The following TCF25 variants were observed in gnomAD, a reference collection of about 807,000 sequenced individuals.
TCF25 encodes the protein TCF25 ribosome quality control complex subunit.
Under a neutral mutation model 83.1 loss-of-function variants are expected in TCF25, and 41 were observed. The ratio of observed to expected loss-of-function variants is 0.49; its 90% CI spans 0.38 to 0.64. The LOEUF (loss-of-function observed/expected upper bound fraction) is 0.64. TCF25 is among the 30% of genes least tolerant of loss of function. The pLI is 0.00. For synonymous variants in TCF25, 458 were observed against 365.0 expected (o/e 1.25, Z -2.90); for missense variants, 979 against 914.5 (o/e 1.07, Z -0.91).
At chr16:89,892,326 G>GTGCACTGGCCC in intron 6 of TCF25, 51 bp downstream of exon 6, 1 of 1,565,388 alleles carries the variant, frequency 6.4e-7, no homozygotes, top group Non-Finnish European at 8.7e-7. Flanking sequence ...GGCGTTGTCT[G>GTGCACTGGCCC]TGCACTGGCC....
chr16:89,898,639 C>G lies in TCF25; in HGVS notation c.1105C>G (p.Leu369Val). 6.2e-7 allele frequency: 1 copy of G among 1,612,912 alleles called. No homozygotes were observed. Among genetic ancestry groups the G allele is most frequent in the Non-Finnish European group, 8.5e-7 (1 of 1,180,014 alleles). Residue 369 changes from leucine (L) to valine (V), a missense_variant, in exon 10 of 18, where the codon CTC becomes GTC. Leu to Val is a conservative substitution (Grantham distance 32). Coordinates refer to ENST00000263346, the MANE Select transcript of TCF25 (RefSeq NM_014972.3). The stretch of plus-strand genomic sequence containing the variant: ...GCGCACGGCGCTGGAGTACTGCAAG[C>G]TCATCCTGAGGTGAGTGTCTGCTCA... The part of the protein sequence containing the change: ...CPRTALEYCK[L>V]ILSLEPDEDP...
Position 89,885,968 on chromosome 16 carries a change from T to C in TCF25, c.548+2T>C, listed in dbSNP as rs2042974398. ...GCACGTTCTCTACGTGGAGCACAGG[T>C]GTGGCCCCCGCCCTTCTCTGCGGCT... On this transcript the variant is annotated splice_donor_variant, in intron 4 of 17. Coordinates refer to ENST00000263346, the MANE Select transcript of TCF25 (RefSeq NM_014972.3). LOFTEE classifies it high-confidence loss of function. 2.1e-6 allele frequency: 3 copies of C among 1,447,550 alleles called. No homozygotes were observed. Among genetic ancestry groups the C allele is most frequent in the Non-Finnish European group, 2.7e-6 (3 of 1,096,252 alleles). The allele number at this position is 1,447,550 out of a possible 1,614,324, so 89.7% of individuals were successfully genotyped here. A position where few individuals can be genotyped will look rare whatever the true frequency, so the allele number is the denominator to read the frequency against.
chr16:89,896,148 G>C, intron 9 of TCF25, 65 bp downstream of exon 9: 1 of 1,508,562 alleles, frequency 6.6e-7, no homozygotes, highest in Middle Eastern at 1.7e-4. Context: ...GAGGCTGGGG[G>C]AGGTGCAGTG....
chr16:89,886,648 G>C (rs561751629), intron 4 of TCF25, among the ~76,000 whole-genome samples: 1 of 151,978 alleles, frequency 6.6e-6, no homozygotes, highest in Non-Finnish European at 1.5e-5. Context: ...TGTAATCCCA[G>C]CTACTCAGGG....
rs76385719 is a variant in TCF25 at position 89,910,552 on chromosome 16, G to A, written c.1800-39G>A. The A allele has an allele frequency of 6.9e-4, 1,106 of 1,608,800 alleles. 9 individuals are homozygous for A. In the African/African-American group the frequency reaches 0.013, roughly 19 times the overall value. On this transcript the variant is annotated intron_variant, in intron 16 of 17. Coordinates refer to ENST00000263346, the MANE Select transcript of TCF25 (RefSeq NM_014972.3). ...GCCGGGTTGGGTCCCACGAGTCTCA[G>A]TTCAGTGTCGTTTCTGACTTTTCTT...
intron 9 of TCF25, among the ~76,000 whole-genome samples, chr16:89,897,643 A>G (rs1302153869): frequency 6.6e-6 from 1 of 152,242 alleles, no homozygotes; most frequent in Non-Finnish European, 1.5e-5. Flanking sequence ...GACGCGAAAG[A>G]GACAGTGGGC....
At chr16:89,903,489 G>A (rs180835707) in intron 12 of TCF25, among the ~76,000 whole-genome samples, 19 of 152,130 alleles carry the variant, frequency 1.2e-4, no homozygotes, top group South Asian at 6.3e-4. Flanking sequence ...TGGTCAACAC[G>A]GTGAAACCCT....
At chr16:89,889,292 C>A (rs376304471) in intron 5 of TCF25, 3 of 366,800 alleles carry the variant, frequency 8.2e-6, no homozygotes, top group Non-Finnish European at 1.6e-5. Flanking sequence ...ATCCTCCCAT[C>A]TCAGTCTCCC....
intron 9 of TCF25, among the ~76,000 whole-genome samples, chr16:89,898,063 A>G (rs1432195556): frequency 6.6e-6 from 1 of 151,986 alleles, no homozygotes; most frequent in Non-Finnish European, 1.5e-5. Context: ...GAGCCGAGAT[A>G]GCGCCACTGC....
At position 89,895,096 on chromosome 16, in the gene TCF25, G is replaced by C; in HGVS notation, c.887G>C (p.Cys296Ser). 2 of 1,613,198 alleles carry C rather than the reference G, an allele frequency of 1.2e-6. No homozygotes were observed. The highest frequency in any genetic ancestry group is 1.7e-6 in the Non-Finnish European group (2 of 1,179,760). Residue 296 changes from cysteine (C) to serine (S), a missense_variant, in exon 8 of 18, where the codon TGC (cysteine) becomes TCC (serine). Cys to Ser is a moderately radical substitution (Grantham distance 112, BLOSUM62 -1). Transcript: ENST00000263346. Reference sequence around the variant, plus strand: ...TCACTCCTGCAGCTCAGCGATGCCTGCCGCTTTCAAGAGGATCAGGAGATG... The same window carrying C: ...TCACTCCTGCAGCTCAGCGATGCCTCCCGCTTTCAAGAGGATCAGGAGATG... Reference protein sequence around the residue: ...VDSLLQLSDACRFQEDQEMAR... With the variant: ...VDSLLQLSDASRFQEDQEMAR...
chr16:89,882,021 G>A (rs1056725444), intron 1 of TCF25, among the ~76,000 whole-genome samples: 2 of 152,138 alleles, frequency 1.3e-5, no homozygotes, highest in Admixed American at 6.5e-5. Flanking sequence ...CCAAAGTGCT[G>A]GGATTACAGG....
chr16:89,893,329 A>G (rs1191321028), intron 6 of TCF25, among the ~76,000 whole-genome samples: 2 of 152,088 alleles, frequency 1.3e-5, no homozygotes, highest in Non-Finnish European at 2.9e-5. Context: ...CCGCACTCCA[A>G]CCCTGTCCTT....
chr16:89,895,351 C>T (rs1220635262), intron 8 of TCF25, among the ~76,000 whole-genome samples: 2 of 152,120 alleles, frequency 1.3e-5, no homozygotes, highest in Non-Finnish European at 2.9e-5. Flanking sequence ...GGACTACAGG[C>T]GCCCGCCACC....
chr16:89,878,079 AC>A (rs1444517911), intron 1 of TCF25, among the ~76,000 whole-genome samples: 2 of 152,250 alleles, frequency 1.3e-5, no homozygotes, highest in African/African-American at 4.8e-5. Flanking sequence ...GGTGTGTGAG[AC>A]CAGCCTGGGC....
intron 1 of TCF25, among the ~76,000 whole-genome samples, chr16:89,877,101 C>CAA (rs113072263): frequency 2.0e-4 from 28 of 142,534 alleles, no homozygotes; most frequent in African/African-American, 7.1e-4. Context: ...GACTCTGTCT[C>CAA]AAAAAAATAA....
intron 1 of TCF25, among the ~76,000 whole-genome samples, chr16:89,882,030 G>A (rs1483466063): frequency 1.3e-5 from 2 of 152,168 alleles, no homozygotes; most frequent in African/African-American, 4.8e-5. Flanking sequence ...TGGGATTACA[G>A]GGGTGCACCG....
At chr16:89,908,197 C>T (rs117406136) in intron 16 of TCF25, among the ~76,000 whole-genome samples, 3,984 of 133,378 alleles carry the variant, frequency 0.03, 176 homozygotes, top group East Asian at 0.14. Context: ...CTCCCTCCTC[C>T]AAGTTCCCAC....
intron 9 of TCF25, among the ~76,000 whole-genome samples, chr16:89,896,549 A>ATTTT (rs869089266): frequency 1.8e-5 from 2 of 112,384 alleles, no homozygotes; most frequent in Admixed American, 9.0e-5. Flanking sequence ...TCAAAACAGC[A>ATTTT]TTTTTTTTTT....
intron 1 of TCF25, among the ~76,000 whole-genome samples, chr16:89,878,273 C>T (rs1044827366): frequency 6.7e-6 from 1 of 148,210 alleles, no homozygotes; most frequent in African/African-American, 2.5e-5. Context: ...AAGTGAGACC[C>T]TGTCTCAAAA....
Sources: gnomAD v4.1 joint callset for allele counts (sites outside exome capture counted in the v4.1 genomes callset) on GRCh38, gnomAD v4.1.1 for gene constraint, MANE v1.5 for transcripts, NCBI Gene and HGNC (gene_info 2026-07-23, HGNC 2026-07-21) for gene names.